Variants in THNSL1 observed in about 807,000 individuals in gnomAD.
The protein encoded by THNSL1 is threonine synthase-like 1.
Under a neutral mutation model 50.4 loss-of-function variants are expected in THNSL1, and 48 were observed. The ratio of observed to expected loss-of-function variants is 0.95; its 90% CI spans 0.76 to 1.21. THNSL1 has a LOEUF of 1.21. THNSL1 is among the 50% of genes most tolerant of loss of function. The pLI is 0.00. For synonymous variants in THNSL1, 309 were observed against 306.1 expected (o/e 1.01, Z -0.10); for missense variants, 896 against 871.7 (o/e 1.03, Z -0.35).
chr10:24,952,985 CCT>C, the THNSL1 span, among the ~76,000 whole-genome samples: 1 of 152,044 alleles, frequency 6.6e-6, no homozygotes, highest in Non-Finnish European at 1.5e-5. The surrounding 1 kb of genome is among the most constrained non-coding windows in gnomAD (Gnocchi z 5.1). Context: ...CCCCCAGGCC[CCT>C]GATTCCCAGA....
At chr10:25,012,755 T>C (rs930452185), upstream of THNSL1, among the ~76,000 whole-genome samples, 3 of 152,250 alleles carry the variant, frequency 2.0e-5, no homozygotes, top group African/African-American at 4.8e-5. Flanking sequence ...TTGCCTGGTC[T>C]CAAATGAGAC....
At chr10:25,004,235 CCTA>C in the THNSL1 span, among the ~76,000 whole-genome samples, 1 of 152,116 alleles carries the variant, frequency 6.6e-6, no homozygotes, top group Admixed American at 6.5e-5. Flanking sequence ...CTGCAATGAA[CCTA>C]GGCATGCATG....
Position 25,023,943 on chromosome 10 carries a change from A to G in THNSL1, c.720A>G (p.Glu240=). The part of the protein sequence containing the change: ...TFISTRHVWP[E]DCEQKVSAKF... ...TTTCAACAAGACACGTTTGGCCTGA[A>G]GACTGTGAACAGAAGGTTTCAGCAA... is the stretch of plus-strand genomic sequence containing the variant. Residue 240 remains glutamate (E), a synonymous_variant, in exon 3 of 3, where the codon GAA becomes GAG. Transcript: ENST00000376356. The G allele has an allele frequency of 6.2e-7, 1 of 1,614,230 alleles. No individual in the cohort carries two copies. Among genetic ancestry groups the G allele is most frequent in the Non-Finnish European group, 8.5e-7 (1 of 1,180,026 alleles).
chr10:25,022,950 T>C (rs1263784430), intron 2 of THNSL1, among the ~76,000 whole-genome samples: 1 of 152,330 alleles, frequency 6.6e-6, no homozygotes, highest in South Asian at 2.1e-4. Context: ...AGTTTTGATT[T>C]TTCAGTGTCT....
chr10:24,985,887 G>T, the THNSL1 span, among the ~76,000 whole-genome samples: 7 of 152,102 alleles, frequency 4.6e-5, no homozygotes, highest in Admixed American at 6.6e-5. Context: ...GGGCAACATG[G>T]CAAAACCCTG....
chr10:25,005,021 C>T, the THNSL1 span, among the ~76,000 whole-genome samples: 1 of 152,082 alleles, frequency 6.6e-6, no homozygotes, highest in Non-Finnish European at 1.5e-5. Flanking sequence ...ATATGAAGTC[C>T]TTCCCATTGC....
At chr10:24,956,471 T>TA in the THNSL1 span, among the ~76,000 whole-genome samples, 1 of 152,086 alleles carries the variant, frequency 6.6e-6, no homozygotes, top group African/African-American at 2.4e-5. Context: ...ATTTATTTTT[T>TA]TTTTTTGGTG....
chr10:25,010,023 T>A, the THNSL1 span, among the ~76,000 whole-genome samples: 1 of 152,056 alleles, frequency 6.6e-6, no homozygotes, highest in Non-Finnish European at 1.5e-5. Flanking sequence ...TACCCAAAAA[T>A]GTGAAAGCGA....
chr10:25,003,996 T>C, the THNSL1 span, among the ~76,000 whole-genome samples: 1 of 152,228 alleles, frequency 6.6e-6, no homozygotes, highest in African/African-American at 2.4e-5. Flanking sequence ...TGCAGCACTA[T>C]TGTGTGGGAC....
chr10:25,014,430 G>T (rs1191224368), upstream of THNSL1, among the ~76,000 whole-genome samples: 1 of 151,678 alleles, frequency 6.6e-6, no homozygotes, highest in Non-Finnish European at 1.5e-5. Context: ...ACAGCACCAA[G>T]AACAGATATA....
chr10:24,970,000 C>G, the THNSL1 span, among the ~76,000 whole-genome samples: 2 of 152,340 alleles, frequency 1.3e-5, no homozygotes, highest in African/African-American at 4.8e-5. Flanking sequence ...TGTTGCTCCC[C>G]CATGAGAGCT....
chr10:24,983,692 T>A, the THNSL1 span: 1 of 152,186 alleles, frequency 6.6e-6, no homozygotes, highest in Admixed American at 6.5e-5. Context: ...TCTGTGTTTG[T>A]GAAAAAAGCC....
At chr10:25,017,113 C>G (rs1321586588) in intron 1 of THNSL1, among the ~76,000 whole-genome samples, 1 of 152,208 alleles carries the variant, frequency 6.6e-6, no homozygotes, top group Non-Finnish European at 1.5e-5. Flanking sequence ...TCCTCTAGGT[C>G]GTTCTCCAGG....
At chr10:24,981,858 C>T in the THNSL1 span, 1 of 152,182 alleles carries the variant, frequency 6.6e-6, no homozygotes, top group South Asian at 2.1e-4. Context: ...AAATTGCCTC[C>T]TTCTACCTTG....
rs1850844606 is a variant in THNSL1 at position 25,026,005 on chromosome 10, G to C, written c.*550G>C. The C allele has an allele frequency of 6.5e-6, 1 of 154,342 alleles. No individual in the cohort carries two copies. Among genetic ancestry groups the C allele is most frequent in the Admixed American group, 6.5e-5 (1 of 15,294 alleles). 9.6% of individuals were successfully genotyped at this position (154,342 alleles called of 1,614,324 possible). A position where few individuals can be genotyped will look rare whatever the true frequency, so the allele number is the denominator to read the frequency against. ...GTGATTCTCCTGCCTCAGCCTCCCAGGTAGCTGGGATTACAGGCATGCAAC... is the reference window on the plus strand; with the variant it reads ...GTGATTCTCCTGCCTCAGCCTCCCACGTAGCTGGGATTACAGGCATGCAAC... On this transcript the variant is annotated 3_prime_UTR_variant, in exon 3 of 3. Coordinates refer to ENST00000376356, the MANE Select transcript of THNSL1 (RefSeq NM_024838.5).
chr10:24,996,885 GT>G, the THNSL1 span, among the ~76,000 whole-genome samples: 1 of 152,148 alleles, frequency 6.6e-6, no homozygotes, highest in Non-Finnish European at 1.5e-5. Context: ...TTGTAGAAAG[GT>G]CTTTAAAGAG....
the THNSL1 span, among the ~76,000 whole-genome samples, chr10:25,006,606 A>C: frequency 1.3e-5 from 2 of 152,178 alleles, no homozygotes; most frequent in African/African-American, 4.8e-5. Flanking sequence ...TTACTTTTCT[A>C]TCATAATTTC....
At chr10:24,997,540 G>A in the THNSL1 span, among the ~76,000 whole-genome samples, 17 of 151,614 alleles carry the variant, frequency 1.1e-4, 1 homozygote, top group Admixed American at 9.2e-4. Flanking sequence ...ATGTGCATCA[G>A]CACACCTAGC....
the THNSL1 span, chr10:24,984,953 TA>T: frequency 6.9e-7 from 1 of 1,441,442 alleles, no homozygotes. Flanking sequence ...ACTGCAAAAG[TA>T]AAGGAAATGG....
Sources: gnomAD v4.1 joint callset for allele counts (sites outside exome capture counted in the v4.1 genomes callset) on GRCh38, gnomAD v4.1.1 for gene constraint, Gnocchi (gnomAD v3.1) non-coding constraint, MANE v1.5 for transcripts, NCBI Gene and HGNC (gene_info 2026-07-23, HGNC 2026-07-21) for gene names.